The following ADSL variants were observed in gnomAD, a reference collection of about 807,000 sequenced individuals.
ADSL encodes adenylosuccinate lyase.
A neutral mutation model predicts 62.1 loss-of-function variants in ADSL; 44 were observed. The observed-to-expected ratio is 0.71, with a 90% CI of 0.56 to 0.91. The LOEUF is 0.91. Ranked by LOEUF, ADSL falls within the 40% of genes least tolerant of loss-of-function variation. ADSL has a pLI of 0.00. For missense variants in ADSL, 531 were observed against 627.4 expected, an observed-to-expected ratio of 0.85 and a Z score of 1.64; for synonymous variants, 198 against 220.5, an observed-to-expected ratio of 0.90 and a Z score of 0.90.
chr22:40,372,885 T>TTC (rs1194147259), downstream of ADSL: 1 of 152,244 alleles, frequency 6.6e-6, no homozygotes, highest in Non-Finnish European at 1.5e-5. Context: ...ACTCTCCAGA[T>TTC]AGCCTGTTAT....
At chr22:40,359,476 C>CTTTTTTTTTTTT (rs56719087) in intron 6 of ADSL, among the ~76,000 whole-genome samples, 170 bp downstream of exon 6, 2 of 43,870 alleles carry the variant, frequency 4.6e-5, no homozygotes, top group Non-Finnish European at 7.8e-5. Context: ...TATCTGGATT[C>CTTTTTTTTTTTT]TTTTTTTTTT....
At chr22:40,350,223 A>G in intron 2 of ADSL, 188 bp downstream of exon 2, 2 of 584,592 alleles carry the variant, frequency 3.4e-6, no homozygotes, top group Non-Finnish European at 6.0e-6. Flanking sequence ...TCCTGGGTTC[A>G]CACCATTCTC....
At chr22:40,361,153 G>A in intron 7 of ADSL, 120 bp from the exon 8 acceptor site, 1 of 927,278 alleles carries the variant, frequency 1.1e-6, no homozygotes, top group Non-Finnish European at 1.8e-6. Flanking sequence ...GGATGCGCTG[G>A]TCTTCAGCTC....
At chr22:40,348,328 C>T in intron 1 of ADSL, 1 of 397,540 alleles carries the variant, frequency 2.5e-6, no homozygotes, top group Admixed American at 4.4e-5. Context: ...CCACATGTGG[C>T]TGCCGAGTAC....
chr22:40,374,151 T>G (rs905506541), downstream of ADSL, among the ~76,000 whole-genome samples: 1 of 151,488 alleles, frequency 6.6e-6, no homozygotes. Context: ...GAGACGGGGC[T>G]TCACCGTGTT....
At chr22:40,360,676 T>C (rs1352344692) in intron 7 of ADSL, among the ~76,000 whole-genome samples, 184 bp downstream of exon 7, 1 of 152,178 alleles carries the variant, frequency 6.6e-6, no homozygotes, top group South Asian at 2.1e-4. Context: ...TTTAAAGTTA[T>C]CTCAAGCACT....
rs371722914 is a variant in ADSL at position 40,361,232 on chromosome 22, C to T, written c.793-41C>T. The T allele has an allele frequency of 9.6e-5, 152 of 1,586,390 alleles. 3 individuals are homozygous for T. In the African/African-American group the frequency reaches 1.5e-3, roughly 15 times the overall value. The stretch of plus-strand genomic sequence containing the variant: ...CACAGCTCCCAGACTCTACTGCACA[C>T]TGACAGTGTGGGGTGATGCTTATTC... On this transcript the variant is annotated intron_variant, in intron 7 of 12. Coordinates refer to ENST00000623063, the MANE Select transcript of ADSL (RefSeq NM_000026.4).
downstream of ADSL, among the ~76,000 whole-genome samples, chr22:40,369,733 T>C (rs1314522151): frequency 6.6e-6 from 1 of 152,026 alleles, no homozygotes; most frequent in Non-Finnish European, 1.5e-5. Context: ...GTATTTTCTT[T>C]AAGATTGGTT....
chr22:40,363,858 C>G (rs1400061766), intron 10 of ADSL, among the ~76,000 whole-genome samples: 1 of 152,006 alleles, frequency 6.6e-6, no homozygotes, highest in Non-Finnish European at 1.5e-5. Flanking sequence ...ACTTTGGGAT[C>G]ACGAGGCCAG....
In ADSL at chr22:40,366,817, G is replaced by C; in HGVS notation, c.*295G>C. The C allele has an allele frequency of 2.7e-6, 1 of 365,068 alleles. No individual in the cohort carries two copies. The allele number at this position is 365,068 out of a possible 1,614,324, so 22.6% of individuals were successfully genotyped here. On this transcript the variant is annotated 3_prime_UTR_variant, in exon 13 of 13. Transcript: ENST00000623063. Reference sequence around the variant, plus strand: ...GTCCTTTTCACGTGTTCATTTGCTTGTAAAGTAGCAAGAAATTTCTGGTCC... The same window carrying C: ...GTCCTTTTCACGTGTTCATTTGCTTCTAAAGTAGCAAGAAATTTCTGGTCC...
chr22:40,373,227 C>T (rs573364205), downstream of ADSL: 10 of 152,314 alleles, frequency 6.6e-5, no homozygotes, highest in African/African-American at 1.2e-4. Flanking sequence ...TTTGTCTGTG[C>T]TGTACTACCT....
At chr22:40,357,000 A>G (rs1369567126) in intron 4 of ADSL, among the ~76,000 whole-genome samples, 1 of 152,060 alleles carries the variant, frequency 6.6e-6, no homozygotes, top group African/African-American at 2.4e-5. Context: ...GATTCAAGTG[A>G]TTCTCCCACC....
downstream of ADSL, among the ~76,000 whole-genome samples, chr22:40,371,081 ACTC>A (rs564233133): frequency 1.2e-4 from 18 of 152,082 alleles, no homozygotes; most frequent in East Asian, 3.5e-3. Context: ...ACAGCTGCAG[ACTC>A]CTCCTCAGGT....
intron 6 of ADSL, 77 bp downstream of exon 6, chr22:40,359,383 C>T: frequency 6.7e-7 from 1 of 1,496,868 alleles, no homozygotes; most frequent in Non-Finnish European, 9.3e-7. Context: ...CAGATTTGAC[C>T]TTACAATTTT....
At chr22:40,350,136 T>C (rs2146624087) in intron 2 of ADSL, 101 bp downstream of exon 2, 4 of 1,093,026 alleles carry the variant, frequency 3.7e-6, no homozygotes, top group Non-Finnish European at 5.3e-6. Context: ...TATAGATCTT[T>C]TTTTTTTTTT....
At chr22:40,352,488 A>G (rs2044386677) in intron 2 of ADSL, among the ~76,000 whole-genome samples, 1 of 152,148 alleles carries the variant, frequency 6.6e-6, no homozygotes, top group Non-Finnish European at 1.5e-5. Context: ...AGATCGCGCC[A>G]CTGCACTACA....
At chr22:40,362,121 A>G (rs2044814715) in intron 9 of ADSL, among the ~76,000 whole-genome samples, 1 of 152,200 alleles carries the variant, frequency 6.6e-6, no homozygotes, top group East Asian at 1.9e-4. Context: ...GTCTAGGCAC[A>G]ATGACATCTT....
intron 4 of ADSL, 28 bp from the exon 5 acceptor site, chr22:40,358,836 C>CT: frequency 1.2e-6 from 2 of 1,613,514 alleles, no homozygotes; most frequent in Non-Finnish European, 1.7e-6. Flanking sequence ...CGGTCTGAGA[C>CT]TTTCGTGTGT....
chr22:40,346,548 G>C lies in ADSL; in HGVS notation c.-11G>C. The C allele has an allele frequency of 1.2e-6, 2 of 1,600,418 alleles. No homozygotes were observed. Among genetic ancestry groups the C allele is most frequent in the Non-Finnish European group, 1.7e-6 (2 of 1,175,618 alleles). ...TGGTCCAGTCCACCCTGGCGGGGTC[G>C]CAGGGTTGGGATGGCGGCTGGAGGC... On this transcript the variant is annotated 5_prime_UTR_variant, in exon 1 of 13. Transcript: ENST00000623063.
Sources: allele counts gnomAD v4.1 joint callset (sites outside exome capture counted in the v4.1 genomes callset), GRCh38; gene constraint gnomAD v4.1.1; transcripts MANE v1.5; gene names NCBI Gene and HGNC (gene_info 2026-07-23, HGNC 2026-07-21).